Variants in BABAM2 observed in about 807,000 individuals in gnomAD.
BABAM2 encodes BRISC and BRCA1 A complex member 2.
A neutral mutation model predicts 54.7 loss-of-function variants in BABAM2; 31 were observed. The ratio of observed to expected loss-of-function variants is 0.57; its 90% CI spans 0.43 to 0.77. The LOEUF is 0.77. Among genes scored for constraint, BABAM2 ranks in the 30% least tolerant of loss-of-function variants. The pLI is 0.00. For synonymous variants in BABAM2, 167 were observed against 162.9 expected (o/e 1.03, Z -0.19); for missense variants, 364 against 455.8 (o/e 0.80, Z 1.83).
At chr2:27,928,811 C>T (rs1667894209) in intron 2 of BABAM2, among the ~76,000 whole-genome samples, 1 of 151,872 alleles carries the variant, frequency 6.6e-6, no homozygotes, top group South Asian at 2.1e-4. Context: ...GAAGCCCATG[C>T]AGCTGTTATG....
chr2:28,061,756 G>A (rs1180855949), intron 6 of BABAM2, among the ~76,000 whole-genome samples: 3 of 151,762 alleles, frequency 2.0e-5, no homozygotes, highest in African/African-American at 4.8e-5. Flanking sequence ...AGAAGAAAAC[G>A]TGATAAAATT....
At chr2:27,990,945 G>T (rs1226054930) in intron 4 of BABAM2, among the ~76,000 whole-genome samples, 1 of 151,944 alleles carries the variant, frequency 6.6e-6, no homozygotes, top group Non-Finnish European at 1.5e-5. Flanking sequence ...ATCCAATGAG[G>T]CCACCTCTTT....
intron 10 of BABAM2, among the ~76,000 whole-genome samples, chr2:28,274,286 A>T (rs1403574362): frequency 6.6e-6 from 1 of 152,210 alleles, no homozygotes. Context: ...TGTCTAACCG[A>T]GCACTCCCAC....
At chr2:28,252,173 T>C (rs555838792) in intron 10 of BABAM2, among the ~76,000 whole-genome samples, 1 of 143,016 alleles carries the variant, frequency 7.0e-6, no homozygotes, top group Non-Finnish European at 1.5e-5. Context: ...GCAAGAGGAG[T>C]GAAACTCCAT....
intron 10 of BABAM2, among the ~76,000 whole-genome samples, chr2:28,265,577 G>A (rs1299349807): frequency 6.6e-6 from 1 of 152,116 alleles, no homozygotes; most frequent in African/African-American, 2.4e-5. Flanking sequence ...ATGGGAAAGA[G>A]GTAGGGCTTG....
At chr2:28,008,910 G>T (rs897226263) in intron 4 of BABAM2, among the ~76,000 whole-genome samples, 2 of 152,144 alleles carry the variant, frequency 1.3e-5, no homozygotes, top group African/African-American at 4.8e-5. Context: ...GGGCAGCTCT[G>T]GATTCCAGGT....
At chr2:28,034,617 A>G (rs1463878123) in intron 5 of BABAM2, among the ~76,000 whole-genome samples, 4 of 152,212 alleles carry the variant, frequency 2.6e-5, no homozygotes, top group Non-Finnish European at 4.4e-5. Flanking sequence ...AGTGAAAATC[A>G]GAAAAAGAGA....
At chr2:28,036,317 A>G (rs989380414) in intron 5 of BABAM2, among the ~76,000 whole-genome samples, 10 of 152,196 alleles carry the variant, frequency 6.6e-5, no homozygotes, top group African/African-American at 2.4e-4. Context: ...TGTTTTCGGA[A>G]ATGTACAAAT....
At chr2:28,062,030 A>G (rs1429164074) in intron 6 of BABAM2, among the ~76,000 whole-genome samples, 1 of 152,068 alleles carries the variant, frequency 6.6e-6, no homozygotes, top group Non-Finnish European at 1.5e-5. Context: ...AGTCCAAGTC[A>G]GGGGATCACC....
chr2:27,929,987 C>T (rs1667977960), intron 3 of BABAM2, 79 bp downstream of exon 3: 1 of 1,349,638 alleles, frequency 7.4e-7, no homozygotes, highest in South Asian at 1.2e-5. Context: ...GTTTTCATTT[C>T]CGGCTGTTAG....
At chr2:28,327,588 C>G (rs1224403373) in intron 11 of BABAM2, 1 of 979,240 alleles carries the variant, frequency 1.0e-6, no homozygotes, top group African/African-American at 1.7e-5. Flanking sequence ...ATACTGAGAC[C>G]ACAGTCAGCC....
At chr2:28,074,440 T>C (rs1664469915) in intron 6 of BABAM2, among the ~76,000 whole-genome samples, 1 of 152,140 alleles carries the variant, frequency 6.6e-6, no homozygotes, top group Non-Finnish European at 1.5e-5. Context: ...TTACCCCTGG[T>C]TGAAAACCAC....
At chr2:28,287,985 C>T (rs1686964857) in intron 10 of BABAM2, among the ~76,000 whole-genome samples, 1 of 152,132 alleles carries the variant, frequency 6.6e-6, no homozygotes, top group Admixed American at 6.5e-5. Context: ...AGGAGGGGTT[C>T]CTACTTTGGG....
chr2:28,150,017 GT>G (rs1671871047), intron 7 of BABAM2, among the ~76,000 whole-genome samples: 1 of 152,124 alleles, frequency 6.6e-6, no homozygotes, highest in African/African-American at 2.4e-5. Context: ...AGACTAACTG[GT>G]TAAATTACTT....
intron 3 of BABAM2, among the ~76,000 whole-genome samples, chr2:27,946,349 C>T (rs577738902): frequency 3.9e-5 from 6 of 152,026 alleles, no homozygotes; most frequent in South Asian, 2.1e-4. Flanking sequence ...AGATTAATTC[C>T]GCTTGATTAT....
chr2:28,313,665 A>C lies in BABAM2; in HGVS notation c.1088+15174A>C, dbSNP rs562639291. Among the ~76,000 whole-genome samples, 43 of 152,344 alleles carry C rather than the reference A, an allele frequency of 2.8e-4. 1 individual carries two copies. The highest frequency in any genetic ancestry group is 9.9e-4 in the African/African-American group (41 of 41,572). ...AGAACAGTGGTTTCCTAGTTGATCC[A>C]GAAGCAACTAGTAAGCCTACAGTCT... is the stretch of plus-strand genomic sequence containing the variant. On this transcript the variant is annotated intron_variant, in intron 11 of 11. Transcript: ENST00000379624.
At chr2:28,106,738 C>T (rs1198895367) in intron 6 of BABAM2, among the ~76,000 whole-genome samples, 1 of 152,070 alleles carries the variant, frequency 6.6e-6, no homozygotes, top group South Asian at 2.1e-4. Flanking sequence ...ACTTTTTTCC[C>T]CTTTGTCATT....
Position 27,894,679 on chromosome 2 carries a change from A to C in BABAM2, c.123A>C (p.Lys41Asn). The change falls in exon 2 of 12, where the codon AAA (lysine) becomes AAC (asparagine). Residue 41 changes from lysine to asparagine, a missense_variant. Transcript: ENST00000379624. ...ATNCLRITDL[K>N]SGCTSLTPGP... ...ACTGTTTGAGGATAACTGACTTAAA[A>C]TCTGGGTATGTACCAGAATGAATTC... 1 of 1,614,158 alleles carries C rather than the reference A, an allele frequency of 6.2e-7. No individual in the cohort carries two copies. Among genetic ancestry groups the C allele is most frequent in the South Asian group, 1.1e-5 (1 of 91,080 alleles).
chr2:28,206,271 C>T (rs560811815), intron 7 of BABAM2, among the ~76,000 whole-genome samples: 7 of 152,176 alleles, frequency 4.6e-5, no homozygotes, highest in Admixed American at 6.5e-5. Context: ...GGAAATAAAG[C>T]TCAAAGATAA....
Sources: allele counts gnomAD v4.1 joint callset (sites outside exome capture counted in the v4.1 genomes callset), GRCh38; gene constraint gnomAD v4.1.1; transcripts MANE v1.5; gene names NCBI Gene and HGNC (gene_info 2026-07-23, HGNC 2026-07-21).